ADCY8: variants seen among roughly 807,000 people sequenced by gnomAD.
The protein encoded by ADCY8 is adenylate cyclase 8, also known as adenylate cyclase type 8.
Under a neutral mutation model 119.7 loss-of-function variants are expected in ADCY8, and 51 were observed. The ratio of observed to expected loss-of-function variants is 0.43; its 90% CI spans 0.34 to 0.54. The LOEUF is 0.54. Ranked by LOEUF, ADCY8 falls within the 20% of genes least tolerant of loss-of-function variation. The probability of loss-of-function intolerance (pLI) is 0.03; values close to 1 mark genes in which losing one functional copy is unlikely to be tolerated. For synonymous variants in ADCY8, 665 were observed against 651.0 expected (o/e 1.02, Z -0.33); for missense variants, 1,383 against 1,598.8 (o/e 0.87, Z 2.30).
chr8:131,005,455 T>C (rs1487382617), intron 1 of ADCY8, among the ~76,000 whole-genome samples: 1 of 152,198 alleles, frequency 6.6e-6, no homozygotes, highest in East Asian at 1.9e-4. Flanking sequence ...CCCTGTGTAC[T>C]TCCAGGCTTC....
chr8:130,947,820 T>C (rs1821148625), intron 3 of ADCY8, among the ~76,000 whole-genome samples: 1 of 151,998 alleles, frequency 6.6e-6, no homozygotes, highest in Admixed American at 6.5e-5. Flanking sequence ...CAATAGGAAA[T>C]GGGAAAAAGA....
intron 10 of ADCY8, 21 bp from the exon 11 acceptor site, chr8:130,847,534 AAAAAG>A (rs1370560345): frequency 6.3e-7 from 1 of 1,580,772 alleles, no homozygotes; most frequent in South Asian, 1.2e-5. Flanking sequence ...AAAAAAAAAA[AAAAAG>A]AACAACAAAA....
chr8:130,946,203 C>G (rs1821101230), intron 3 of ADCY8, among the ~76,000 whole-genome samples: 1 of 152,176 alleles, frequency 6.6e-6, no homozygotes, highest in Non-Finnish European at 1.5e-5. Context: ...CTACTATACA[C>G]CAGGCAGTGG....
chr8:130,812,950 C>CT lies in ADCY8; in HGVS notation c.2913+1118dup, dbSNP rs111620889. On this transcript the variant is annotated intron_variant, in intron 14 of 17. Transcript: ENST00000286355. ...ATAATATACAATTTACCATCTTGAT[C>CT]TTTTTTTTTTTTTTTGAGATGGATT... 2.0e-3 allele frequency among the ~76,000 whole-genome samples: 281 copies of CT among 140,208 alleles called. 1 individual carries two copies. The highest frequency in any genetic ancestry group is 4.3e-3 in the African/African-American group (162 of 38,064). 92.0% of individuals were successfully genotyped at this position (140,208 alleles called of 152,430 possible).
intron 1 of ADCY8, among the ~76,000 whole-genome samples, chr8:131,017,504 A>G (rs1435356363): frequency 6.6e-6 from 1 of 152,200 alleles, no homozygotes; most frequent in Admixed American, 6.5e-5. Context: ...AGTACAGGAA[A>G]TATGCTTACA....
At chr8:130,816,683 C>A (rs1184529676) in intron 13 of ADCY8, among the ~76,000 whole-genome samples, 1 of 152,018 alleles carries the variant, frequency 6.6e-6, no homozygotes, top group East Asian at 1.9e-4. Context: ...CCTCTGCCTC[C>A]CAAAGTGCTG....
chr8:130,892,133 A>G (rs1180005899), intron 7 of ADCY8: 1 of 152,128 alleles, frequency 6.6e-6, no homozygotes, highest in Non-Finnish European at 1.5e-5. Flanking sequence ...TGCCCCAGGA[A>G]ACGATATAAC....
chr8:130,819,430 A>T (rs924919242), intron 13 of ADCY8, among the ~76,000 whole-genome samples: 2 of 152,222 alleles, frequency 1.3e-5, no homozygotes, highest in South Asian at 4.1e-4. Context: ...GGATAAATCA[A>T]ATCTGAATGT....
intron 4 of ADCY8, among the ~76,000 whole-genome samples, chr8:130,940,865 C>G (rs1820934556): frequency 6.6e-6 from 1 of 152,122 alleles, no homozygotes; most frequent in Admixed American, 6.5e-5. Context: ...ACTGCACATA[C>G]AGACAATAGA....
rs1819694353 is a variant in ADCY8, at chr8:130,903,962, T to C, written c.1721A>G (p.Asn574Ser). ...GATATTATGCTTCCTCAGGAATTCA[T>C]TCCTCTCTTTACCATGGCCCTCTTC... The part of the protein sequence containing the change: ...NVEEGHGKER[N>S]EFLRKHNIET... Residue 574 changes from asparagine (N) to serine (S), a missense_variant, in exon 7 of 18, where the codon AAT becomes AGT. Asn to Ser is a conservative substitution (Grantham distance 46). Coordinates refer to ENST00000286355, the MANE Select transcript of ADCY8 (RefSeq NM_001115.3). 6.2e-7 allele frequency: 1 copy of C among 1,614,142 alleles called. No homozygotes were observed. Among genetic ancestry groups the C allele is most frequent in the South Asian group, 1.1e-5 (1 of 91,086 alleles).
intron 1 of ADCY8, among the ~76,000 whole-genome samples, chr8:130,995,233 A>C (rs1428780892): frequency 1.3e-5 from 2 of 152,182 alleles, no homozygotes; most frequent in Admixed American, 6.5e-5. Context: ...AATAATTAGA[A>C]ATAACTTAAA....
At chr8:130,885,222 CAT>C (rs1563712305) in intron 7 of ADCY8, among the ~76,000 whole-genome samples, 1 of 80,518 alleles carries the variant, frequency 1.2e-5, no homozygotes, top group Non-Finnish European at 2.6e-5. Context: ...TTATGGCTTG[CAT>C]TTTTTTTTTT....
chr8:130,850,297 T>C (rs558705941), intron 9 of ADCY8, among the ~76,000 whole-genome samples: 3 of 152,178 alleles, frequency 2.0e-5, no homozygotes, highest in Non-Finnish European at 2.9e-5. Flanking sequence ...ATTTGAGACA[T>C]GGGTAAGGAG....
intron 11 of ADCY8, among the ~76,000 whole-genome samples, chr8:130,842,596 G>A (rs1432295348): frequency 4.6e-5 from 7 of 151,890 alleles, no homozygotes; most frequent in Non-Finnish European, 7.4e-5. Context: ...TGCCTGGCTG[G>A]GTGCAGTGGC....
chr8:130,786,052 C>G (rs2130050875), intron 15 of ADCY8, among the ~76,000 whole-genome samples: 1 of 152,320 alleles, frequency 6.6e-6, no homozygotes, highest in East Asian at 1.9e-4. Context: ...GTGCAGTCTT[C>G]TTGACCACCT....
intron 10 of ADCY8, among the ~76,000 whole-genome samples, chr8:130,849,399 G>A (rs1817439755): frequency 6.6e-6 from 1 of 152,178 alleles, no homozygotes; most frequent in Admixed American, 6.5e-5. Context: ...ATCCCACTGG[G>A]AAATAGACAG....
chr8:130,837,262 T>C (rs1563685505), intron 11 of ADCY8, among the ~76,000 whole-genome samples: 1 of 152,186 alleles, frequency 6.6e-6, no homozygotes, highest in Non-Finnish European at 1.5e-5. Flanking sequence ...TCTCAAATTA[T>C]ATTCTCCTTT....
At chr8:130,885,713 G>T (rs1818957897) in intron 7 of ADCY8, among the ~76,000 whole-genome samples, 1 of 151,902 alleles carries the variant, frequency 6.6e-6, no homozygotes, top group Admixed American at 6.6e-5. Context: ...GGACAAGGAA[G>T]CCCAACCCAT....
chr8:130,879,264 A>G (rs1346153181), intron 8 of ADCY8, among the ~76,000 whole-genome samples: 1 of 152,214 alleles, frequency 6.6e-6, no homozygotes, highest in East Asian at 1.9e-4. Context: ...TAAGTTCCTC[A>G]GTGTGTAAAG....
Sources: gnomAD v4.1 joint callset for allele counts (sites outside exome capture counted in the v4.1 genomes callset) on GRCh38, gnomAD v4.1.1 for gene constraint, MANE v1.5 for transcripts, NCBI Gene and HGNC (gene_info 2026-07-23, HGNC 2026-07-21) for gene names.